Variants in CXCL13 observed in about 807,000 individuals in gnomAD.
CXCL13 encodes C-X-C motif chemokine ligand 13, also known as C-X-C motif chemokine 13.
CXCL13 carries 7 observed loss-of-function variants against 12.2 expected under a neutral mutation model. The observed-to-expected ratio is 0.57, with a 90% CI of 0.33 to 1.07. The LOEUF (loss-of-function observed/expected upper bound fraction) is 1.07, where lower values mean the gene tolerates loss of function less well. CXCL13 is among the 50% of genes least tolerant of loss of function. The pLI, the probability that CXCL13 is intolerant of heterozygous loss-of-function variation, is 0.04. For synonymous variants in CXCL13, 47 were observed against 42.4 expected, an observed-to-expected ratio of 1.11 and a Z score of -0.42; for missense variants, 113 against 127.4, an observed-to-expected ratio of 0.89 and a Z score of 0.55.
At position 77,534,378 on chromosome 4, in the gene CXCL13, G is replaced by A. The variant is rs146183845; in HGVS notation, c.-43+22590G>A. Among the ~76,000 whole-genome samples, 266 of 152,140 alleles carry A rather than the reference G, an allele frequency of 1.7e-3. 1 individual carries two copies. The highest frequency in any genetic ancestry group is 2.1e-3 in the Non-Finnish European group (145 of 67,990). On this transcript the variant is annotated intron_variant, in intron 1 of 4. Transcript: ENST00000286758. ...TTAACTGATGAATGGCTAAACAATG[G>A]CACATCATACATGAAATACTACCCA...
chr4:77,532,700 G>T (rs1222807217), intron 1 of CXCL13, among the ~76,000 whole-genome samples: 1 of 152,138 alleles, frequency 6.6e-6, no homozygotes, highest in Non-Finnish European at 1.5e-5. Flanking sequence ...ACGTAGATTT[G>T]ATCTTTTCAC....
intron 1 of CXCL13, among the ~76,000 whole-genome samples, chr4:77,545,206 C>A (rs1725325829): frequency 6.6e-6 from 1 of 152,120 alleles, no homozygotes. Flanking sequence ...GTTCTTTTGG[C>A]TTAGGACTGT....
intron 1 of CXCL13, among the ~76,000 whole-genome samples, chr4:77,596,588 C>A (rs923998943): frequency 9.2e-5 from 14 of 151,882 alleles, no homozygotes; most frequent in Admixed American, 7.9e-4. Flanking sequence ...AGTTAGAGAC[C>A]AGCCTGGCCA....
chr4:77,528,383 C>G (rs1264817545), intron 1 of CXCL13, among the ~76,000 whole-genome samples: 2 of 152,198 alleles, frequency 1.3e-5, no homozygotes, highest in Admixed American at 6.5e-5. Context: ...AACTAGTTTA[C>G]AATCCCACCA....
rs76169246 is a variant in CXCL13 at position 77,515,792 on chromosome 4, C to G, written c.-43+4004C>G. Among the ~76,000 whole-genome samples, 235 of 152,232 alleles carry G rather than the reference C, an allele frequency of 1.5e-3. 7 individuals are homozygous for G. In the East Asian group the frequency reaches 0.04, roughly 26 times the overall value. ...ACTTCCTCTTTTCCTAACTGAATAC[C>G]CTTTATTTCCTTCTCCTGACTAATT... On this transcript the variant is annotated intron_variant, in intron 1 of 4. Transcript: ENST00000286758.
chr4:77,589,168 G>A (rs575516846), intron 1 of CXCL13, among the ~76,000 whole-genome samples: 6 of 152,140 alleles, frequency 3.9e-5, no homozygotes, highest in Admixed American at 1.3e-4. Flanking sequence ...GTTATCCACA[G>A]CCAATCACAG....
chr4:77,576,199 G>A (rs937034190), intron 1 of CXCL13, among the ~76,000 whole-genome samples: 2 of 149,446 alleles, frequency 1.3e-5, no homozygotes, highest in Non-Finnish European at 2.9e-5. Flanking sequence ...CAAATATCAA[G>A]CAAAACTAGA....
upstream of CXCL13, among the ~76,000 whole-genome samples, chr4:77,603,762 C>A (rs1357739387): frequency 2.0e-5 from 3 of 152,080 alleles, no homozygotes; most frequent in Non-Finnish European, 2.9e-5. Flanking sequence ...AATGTAGAAG[C>A]AATGGAGCAG....
At chr4:77,554,413 A>C (rs951253425) in intron 1 of CXCL13, among the ~76,000 whole-genome samples, 7 of 152,226 alleles carry the variant, frequency 4.6e-5, no homozygotes, top group Non-Finnish European at 8.8e-5. Flanking sequence ...AGAATGCCTC[A>C]TAAATGTGCA....
chr4:77,587,450 A>T (rs761577638), intron 1 of CXCL13, among the ~76,000 whole-genome samples: 1 of 152,188 alleles, frequency 6.6e-6, no homozygotes, highest in African/African-American at 2.4e-5. Flanking sequence ...ACGTGCAAAA[A>T]TAAACAATGG....
chr4:77,591,881 G>C (rs572688202), intron 1 of CXCL13, among the ~76,000 whole-genome samples: 1 of 152,338 alleles, frequency 6.6e-6, no homozygotes, highest in African/African-American at 2.4e-5. Flanking sequence ...CTAGATTTGA[G>C]AACTTATTCT....
At chr4:77,521,570 T>C (rs1724599495) in intron 1 of CXCL13, among the ~76,000 whole-genome samples, 1 of 152,192 alleles carries the variant, frequency 6.6e-6, no homozygotes, top group South Asian at 2.1e-4. Context: ...ATATCCCCTT[T>C]ATCATTTTTT....
Position 77,571,885 on chromosome 4 carries a change from C to T in CXCL13, c.-42-33939C>T, listed in dbSNP as rs375433693. 3.1e-4 allele frequency among the ~76,000 whole-genome samples: 47 copies of T among 151,578 alleles called. 2 individuals carry two copies. The highest frequency in any genetic ancestry group is 9.7e-4 in the African/African-American group (40 of 41,050). On this transcript the variant is annotated intron_variant, in intron 1 of 4. Transcript: ENST00000286758. ...TCTGCAGCTTCACTCCTGAGCCCTG[C>T]GAGCCCACGAGCCCACCAGGAGGAA...
At chr4:77,545,291 T>C (rs999844968) in intron 1 of CXCL13, among the ~76,000 whole-genome samples, 3 of 152,172 alleles carry the variant, frequency 2.0e-5, no homozygotes, top group Non-Finnish European at 4.4e-5. Context: ...AAGGAAGTCA[T>C]TGGTAGCTTG....
intron 1 of CXCL13, among the ~76,000 whole-genome samples, chr4:77,554,212 G>A (rs1423468564): frequency 6.6e-6 from 1 of 151,928 alleles, no homozygotes; most frequent in Non-Finnish European, 1.5e-5. Context: ...CAATGCATGA[G>A]TAGTGAGATT....
chr4:77,523,760 G>A (rs1324436583), intron 1 of CXCL13, among the ~76,000 whole-genome samples: 1 of 152,164 alleles, frequency 6.6e-6, no homozygotes, highest in Non-Finnish European at 1.5e-5. Context: ...TTGCTGGCAA[G>A]GACCTGCAAA....
chr4:77,539,241 G>A (rs2109799823), intron 1 of CXCL13, among the ~76,000 whole-genome samples: 1 of 152,166 alleles, frequency 6.6e-6, no homozygotes, highest in South Asian at 2.1e-4. Context: ...CTGGCTCCCA[G>A]TGAAGGGACT....
In CXCL13 at chr4:77,572,377, G is replaced by C. The variant is rs555326203; in HGVS notation, c.-42-33447G>C. Among the ~76,000 whole-genome samples, 237 of 151,912 alleles carry C rather than the reference G, an allele frequency of 1.6e-3. 4 individuals are homozygous for C. Among genetic ancestry groups the C allele is most frequent in the African/African-American group, 5.5e-3 (226 of 41,230 alleles). ...GACTTTGCCACTGCACTCCAGCCTGGGTGACAGAGTGAGACCCTGTCTCAA... is the reference window on the plus strand; with the variant it reads ...GACTTTGCCACTGCACTCCAGCCTGCGTGACAGAGTGAGACCCTGTCTCAA... On this transcript the variant is annotated intron_variant, in intron 1 of 4. Coordinates refer to the CXCL13 transcript ENST00000286758.
rs548895329 is a variant in CXCL13, at chr4:77,594,599, G to GGTCCAGGGGCATA, written c.-42-11225_-42-11224insGTCCAGGGGCATA. On this transcript the variant is annotated intron_variant, in intron 1 of 4. Transcript: ENST00000286758. ...GTGGCCTGGGCTCTGTTGACAGGCA[G>GGTCCAGGGGCATA]CTGGGCAGGTCCAGGGGCATACTGA... Among the ~76,000 whole-genome samples, 869 of 152,276 alleles carry GGTCCAGGGGCATA rather than the reference G, an allele frequency of 5.7e-3. 10 individuals carry two copies. The highest frequency in any genetic ancestry group is 0.02 in the African/African-American group (817 of 41,542).
Sources: gnomAD v4.1 joint callset for allele counts (sites outside exome capture counted in the v4.1 genomes callset) on GRCh38, gnomAD v4.1.1 for gene constraint, MANE v1.5 for transcripts, NCBI Gene and HGNC (gene_info 2026-07-23, HGNC 2026-07-21) for gene names.